Variants in GSE1 observed in about 807,000 individuals in gnomAD.
The protein encoded by GSE1 is Gse1 coiled-coil protein.
In GSE1, 32 loss-of-function variants were observed where a neutral mutation model predicts 112.6. The ratio of observed to expected loss-of-function variants is 0.28; its 90% confidence interval spans 0.21 to 0.38. The LOEUF (loss-of-function observed/expected upper bound fraction) is 0.38. GSE1 is among the 10% of genes least tolerant of loss of function. GSE1 has a pLI of 1.00. For synonymous variants in GSE1, 1,115 were observed against 735.6 expected, an observed-to-expected ratio of 1.52 and a Z score of -8.35; for missense variants, 2,348 against 1,699.2, an observed-to-expected ratio of 1.38 and a Z score of -6.71.
intron 1 of GSE1, among the ~76,000 whole-genome samples, chr16:85,267,218 A>G (rs1232860056): frequency 1.3e-5 from 2 of 152,120 alleles, no homozygotes; most frequent in African/African-American, 4.8e-5. Context: ...GCCGAGCCAC[A>G]TCCTCGGCCC....
intron 1 of GSE1, among the ~76,000 whole-genome samples, chr16:85,208,701 A>C (rs2075164241): frequency 6.7e-6 from 1 of 148,784 alleles, no homozygotes; most frequent in African/African-American, 2.5e-5. Context: ...AAAATGTAAA[A>C]GTCATTCTTA....
intron 1 of GSE1, among the ~76,000 whole-genome samples, chr16:85,305,487 T>G (rs1040715414): frequency 1.3e-5 from 2 of 151,396 alleles, no homozygotes; most frequent in African/African-American, 4.9e-5. Context: ...TTTGTTTGTT[T>G]GTTTTGTTTT....
chr16:85,489,408 C>G (rs1039136002), intron 2 of GSE1, among the ~76,000 whole-genome samples: 1 of 152,076 alleles, frequency 6.6e-6, no homozygotes, highest in Non-Finnish European at 1.5e-5. Context: ...TGGTACATGG[C>G]TCCAGCACCA....
At chr16:85,620,291 A>C (rs1049736054) in intron 1 of GSE1, among the ~76,000 whole-genome samples, 1 of 152,156 alleles carries the variant, frequency 6.6e-6, no homozygotes. Context: ...CTCTTGTCTC[A>C]GCAAAAAAAC....
rs558627726 is a variant in GSE1, at chr16:85,605,675, G to A, written c.38-42877G>A. Among the ~76,000 whole-genome samples, 5 of 152,026 alleles carry A rather than the reference G, an allele frequency of 3.3e-5. No homozygotes were observed. The South Asian group carries it at 6.2e-4, about 19-fold the overall frequency. On this transcript the variant is annotated intron_variant, in intron 1 of 2. Transcript: ENST00000635906. ...CCCCTGCACCCCCGGGGGGGCCACCGGCTGTGCTCTCCAAAGCCACATTTT... is the reference window on the plus strand; with the variant it reads ...CCCCTGCACCCCCGGGGGGGCCACCAGCTGTGCTCTCCAAAGCCACATTTT...
intron 2 of GSE1, among the ~76,000 whole-genome samples, chr16:85,378,894 A>AG (rs2047483818): frequency 6.6e-6 from 1 of 152,116 alleles, no homozygotes; most frequent in African/African-American, 2.4e-5. Context: ...ACCAGTACTG[A>AG]GGGTGGCCAA....
intron 2 of GSE1, among the ~76,000 whole-genome samples, chr16:85,481,570 T>G (rs2050682131): frequency 1.3e-5 from 2 of 152,214 alleles, no homozygotes; most frequent in Non-Finnish European, 2.9e-5. Context: ...GGCTGGAATC[T>G]TCTGTCCTGT....
chr16:85,332,910 C>G (rs544699179), intron 1 of GSE1, among the ~76,000 whole-genome samples: 12 of 152,094 alleles, frequency 7.9e-5, no homozygotes, highest in Non-Finnish European at 1.6e-4. Context: ...CCCCTTTATC[C>G]CCTGTACCAG....
At chr16:85,525,188 G>C (rs13334135) in intron 2 of GSE1, among the ~76,000 whole-genome samples, 313 of 152,242 alleles carry the variant, frequency 2.1e-3, no homozygotes, top group African/African-American at 7.3e-3. Context: ...TTCATCAGCC[G>C]GGGAGGGCAC....
At chr16:85,335,511 G>T (rs986191682) in intron 1 of GSE1, among the ~76,000 whole-genome samples, 7 of 152,330 alleles carry the variant, frequency 4.6e-5, no homozygotes, top group Middle Eastern at 3.4e-3. Context: ...TGCTGGGTGG[G>T]CTGGGCTCCC....
At chr16:85,219,968 A>G (rs756841602) in intron 1 of GSE1, among the ~76,000 whole-genome samples, 9 of 152,100 alleles carry the variant, frequency 5.9e-5, no homozygotes, top group Non-Finnish European at 1.3e-4. Context: ...AGCCTGGAGG[A>G]TGGGAATCCC....
intron 1 of GSE1, among the ~76,000 whole-genome samples, chr16:85,330,498 G>A (rs1399634449): frequency 6.6e-6 from 1 of 152,210 alleles, no homozygotes; most frequent in Non-Finnish European, 1.5e-5. Context: ...GCCATTGTTC[G>A]TGGTCGCATG....
At chr16:85,329,559 G>A (rs113242005) in intron 1 of GSE1, among the ~76,000 whole-genome samples, 1 of 152,032 alleles carries the variant, frequency 6.6e-6, no homozygotes, top group African/African-American at 2.4e-5. Context: ...TGTGGGAGCC[G>A]CTCAGAGGCG....
chr16:85,621,461 T>C (rs1016568853), intron 1 of GSE1, among the ~76,000 whole-genome samples: 31 of 152,204 alleles, frequency 2.0e-4, no homozygotes, highest in South Asian at 2.1e-4. Context: ...TTGAATACAG[T>C]CTTATCGTTT....
chr16:85,434,097 A>G (rs1014868622), intron 2 of GSE1, among the ~76,000 whole-genome samples: 4 of 152,116 alleles, frequency 2.6e-5, no homozygotes, highest in Non-Finnish European at 5.9e-5. Flanking sequence ...TCAAAGTCTG[A>G]AGGACTGTGG....
intron 2 of GSE1, among the ~76,000 whole-genome samples, chr16:85,423,300 G>A (rs1295804674): frequency 6.6e-6 from 1 of 152,250 alleles, no homozygotes; most frequent in Non-Finnish European, 1.5e-5. Context: ...CCTGGGTCAG[G>A]CTCCAGCCGG....
chr16:85,516,069 C>G lies in GSE1; in HGVS notation c.2465-117845C>G, dbSNP rs74031829. On this transcript the variant is annotated intron_variant, in intron 2 of 2. Transcript: ENST00000637419. Reference sequence around the variant, plus strand: ...AAAGGAGGCCTGGGGGTAGTGGCATCCCTGGTCTTCACTCCAGTCTTCCCT... The same window carrying G: ...AAAGGAGGCCTGGGGGTAGTGGCATGCCTGGTCTTCACTCCAGTCTTCCCT... 4.2e-3 allele frequency among the ~76,000 whole-genome samples: 636 copies of G among 152,258 alleles called. 5 individuals carry two copies. Among genetic ancestry groups the G allele is most frequent in the African/African-American group, 0.014 (593 of 41,552 alleles).
At chr16:85,396,986 A>C (rs1240775431) in intron 2 of GSE1, among the ~76,000 whole-genome samples, 1 of 152,210 alleles carries the variant, frequency 6.6e-6, no homozygotes, top group Non-Finnish European at 1.5e-5. Flanking sequence ...GAGAGAGAGC[A>C]AACGTGAAAA....
In GSE1 at chr16:85,269,418, G is replaced by T. The variant is rs151090547; in HGVS notation, c.2284-88045G>T. 3.4e-5 allele frequency among the ~76,000 whole-genome samples: 5 copies of T among 146,312 alleles called. 1 individual carries two copies. The highest frequency in any genetic ancestry group is 1.3e-4 in the African/African-American group (5 of 39,450). On this transcript the variant is annotated intron_variant, in intron 1 of 2. Coordinates refer to the GSE1 transcript ENST00000637419. ...CTGCGTCAGCGCAGGGTGGGAATACGCCTGTTAGCATGAGTGTGTGGGTGT... is the reference window on the plus strand; with the variant it reads ...CTGCGTCAGCGCAGGGTGGGAATACTCCTGTTAGCATGAGTGTGTGGGTGT...
Sources: allele counts gnomAD v4.1 joint callset (sites outside exome capture counted in the v4.1 genomes callset), GRCh38; gene constraint gnomAD v4.1.1; transcripts MANE v1.5; gene names NCBI Gene and HGNC (gene_info 2026-07-23, HGNC 2026-07-21).